Variants in PPP1R9A observed in about 807,000 individuals in gnomAD.
PPP1R9A encodes the protein neurabin-1.
Under a neutral mutation model 141.9 loss-of-function variants are expected in PPP1R9A, and 59 were observed. That is an observed-to-expected ratio of 0.42 (90% CI 0.34 to 0.52). PPP1R9A has a LOEUF of 0.52. Among genes scored for constraint, PPP1R9A ranks in the 20% least tolerant of loss-of-function variants. The pLI, the probability that PPP1R9A is intolerant of heterozygous loss-of-function variation, is 0.10. For missense variants in PPP1R9A, 1,444 were observed against 1,611.9 expected (o/e 0.90, Z 1.78); for synonymous variants, 500 against 569.7 (o/e 0.88, Z 1.74).
At chr7:95,073,828 T>C (rs1015887950) in intron 2 of PPP1R9A, among the ~76,000 whole-genome samples, 12 of 151,986 alleles carry the variant, frequency 7.9e-5, no homozygotes, top group African/African-American at 2.7e-4. Flanking sequence ...GCAATCCTCC[T>C]GCCTCAGCCT....
At chr7:95,157,277 G>T (rs919941525) in intron 4 of PPP1R9A, among the ~76,000 whole-genome samples, 1 of 152,176 alleles carries the variant, frequency 6.6e-6, no homozygotes, top group African/African-American at 2.4e-5. Context: ...AGAGTGCAGG[G>T]ATACCTGGGT....
chr7:95,126,354 A>C (rs1484741448), intron 4 of PPP1R9A, among the ~76,000 whole-genome samples: 3 of 152,164 alleles, frequency 2.0e-5, no homozygotes, highest in Non-Finnish European at 4.4e-5. Context: ...ATGTATTTTC[A>C]TTACCCTTAT....
chr7:95,043,311 A>G (rs1464271597), intron 2 of PPP1R9A, among the ~76,000 whole-genome samples: 1 of 152,208 alleles, frequency 6.6e-6, no homozygotes, highest in Non-Finnish European at 1.5e-5. Context: ...TGTGTGAGAA[A>G]AAACAGGCAC....
At chr7:95,107,914 T>G (rs1197390172) in intron 2 of PPP1R9A, among the ~76,000 whole-genome samples, 1 of 152,210 alleles carries the variant, frequency 6.6e-6, no homozygotes, top group Admixed American at 6.5e-5. Flanking sequence ...TAATATGGCA[T>G]TGCACTTTCT....
intron 12 of PPP1R9A, among the ~76,000 whole-genome samples, chr7:95,256,194 A>G (rs1799560157): frequency 6.6e-6 from 1 of 151,628 alleles, no homozygotes; most frequent in Non-Finnish European, 1.5e-5. Context: ...CCTGTCTCAA[A>G]AAAAAAAAAA....
chr7:94,972,199 T>G (rs894583856), intron 2 of PPP1R9A, among the ~76,000 whole-genome samples: 1 of 152,222 alleles, frequency 6.6e-6, no homozygotes, highest in Admixed American at 6.5e-5. Flanking sequence ...TACTTATTAC[T>G]GGTCTTTTGT....
intron 2 of PPP1R9A, among the ~76,000 whole-genome samples, chr7:95,109,970 AAGGTTT>A (rs1211268846): frequency 1.3e-5 from 2 of 152,196 alleles, no homozygotes; most frequent in African/African-American, 2.4e-5. Flanking sequence ...TTGATGCAGT[AAGGTTT>A]ACTATGGTGA....
chr7:95,216,516 G>A (rs1242755198), intron 7 of PPP1R9A, among the ~76,000 whole-genome samples: 2 of 152,260 alleles, frequency 1.3e-5, no homozygotes, highest in Non-Finnish European at 2.9e-5. Context: ...GTCATTGATA[G>A]CTTGATGGGG....
intron 2 of PPP1R9A, among the ~76,000 whole-genome samples, chr7:94,990,233 C>T (rs771486993): frequency 6.6e-6 from 1 of 152,062 alleles, no homozygotes; most frequent in Non-Finnish European, 1.5e-5. Flanking sequence ...ATAAATGCAT[C>T]ACAGCTCTTG....
chr7:95,181,685 G>A (rs1370946636), intron 5 of PPP1R9A, among the ~76,000 whole-genome samples: 4 of 117,958 alleles, frequency 3.4e-5, no homozygotes, highest in South Asian at 2.6e-4. Flanking sequence ...TATATATTCC[G>A]TCACATATAT....
At chr7:95,281,317 C>T (rs140785730) in intron 16 of PPP1R9A, among the ~76,000 whole-genome samples, 3 of 152,248 alleles carry the variant, frequency 2.0e-5, no homozygotes, top group East Asian at 1.9e-4. Flanking sequence ...ACTGTAGAGA[C>T]GTAGGTGTCT....
intron 2 of PPP1R9A, among the ~76,000 whole-genome samples, chr7:94,920,104 A>G (rs1792595876): frequency 6.6e-6 from 1 of 152,222 alleles, no homozygotes; most frequent in South Asian, 2.1e-4. Context: ...TCTTGAGAAC[A>G]ATAATTCTAT....
chr7:95,282,203 C>T (rs138166170), intron 16 of PPP1R9A, among the ~76,000 whole-genome samples: 4 of 134,376 alleles, frequency 3.0e-5, no homozygotes, highest in East Asian at 2.2e-4. Context: ...CGGTGGCACA[C>T]GCCTATAAGT....
intron 2 of PPP1R9A, among the ~76,000 whole-genome samples, chr7:95,065,548 G>A (rs1186083027): frequency 6.6e-6 from 1 of 152,158 alleles, no homozygotes; most frequent in Non-Finnish European, 1.5e-5. Context: ...CCTGTTTTCA[G>A]GGGCTTTGAT....
intron 2 of PPP1R9A, among the ~76,000 whole-genome samples, chr7:94,927,173 A>G (rs1028044114): frequency 1.3e-5 from 2 of 152,082 alleles, no homozygotes; most frequent in African/African-American, 2.4e-5. Flanking sequence ...TGGGGGGGTT[A>G]TGTATGTTTT....
chr7:95,180,441 A>C (rs1383965426), intron 5 of PPP1R9A, among the ~76,000 whole-genome samples: 8 of 152,088 alleles, frequency 5.3e-5, no homozygotes, highest in Non-Finnish European at 1.2e-4. Context: ...CATTGGAAAA[A>C]CCCTTCTAGA....
intron 2 of PPP1R9A, among the ~76,000 whole-genome samples, chr7:95,021,595 G>T (rs920150955): frequency 6.6e-6 from 1 of 152,036 alleles, no homozygotes; most frequent in African/African-American, 2.4e-5. Context: ...GGGTTTTTAT[G>T]GTTTTAGGTC....
At chr7:95,118,556 A>G (rs781578790) in intron 3 of PPP1R9A, among the ~76,000 whole-genome samples, 1 of 152,178 alleles carries the variant, frequency 6.6e-6, no homozygotes, top group South Asian at 2.1e-4. Flanking sequence ...GCCAAGTGAC[A>G]TCTTTTAAAA....
intron 2 of PPP1R9A, among the ~76,000 whole-genome samples, chr7:95,011,581 A>G (rs893872503): frequency 2.0e-5 from 3 of 152,166 alleles, no homozygotes; most frequent in Non-Finnish European, 4.4e-5. Flanking sequence ...TATTAATCAC[A>G]CATTTACTAC....
Sources: gnomAD v4.1 joint callset for allele counts (sites outside exome capture counted in the v4.1 genomes callset) on GRCh38, gnomAD v4.1.1 for gene constraint, MANE v1.5 for transcripts, NCBI Gene and HGNC (gene_info 2026-07-23, HGNC 2026-07-21) for gene names.